Variants in DNAH5 observed in about 807,000 individuals in gnomAD.
DNAH5 encodes dynein axonemal heavy chain 5, also known as axonemal beta dynein heavy chain 5.
Under a neutral mutation model 518.2 loss-of-function variants are expected in DNAH5, and 372 were observed. That is an observed-to-expected ratio of 0.72 (90% CI 0.66 to 0.78). The LOEUF (loss-of-function observed/expected upper bound fraction) is 0.78, where lower values mean the gene tolerates loss of function less well. Among genes scored for constraint, DNAH5 ranks in the 30% least tolerant of loss-of-function variants. The pLI is 0.00. For synonymous variants in DNAH5, 2,039 were observed against 2,025.9 expected (o/e 1.01, Z -0.17); for missense variants, 5,523 against 5,687.0 (o/e 0.97, Z 0.93).
intron 78 of DNAH5, among the ~76,000 whole-genome samples, chr5:13,692,578 T>C (rs1401695174): frequency 6.6e-6 from 1 of 152,170 alleles, no homozygotes; most frequent in African/African-American, 2.4e-5. Context: ...ATAGTCTACA[T>C]CACATTTTAA....
intron 47 of DNAH5, among the ~76,000 whole-genome samples, chr5:13,796,128 GA>G (rs1429352739): frequency 6.6e-6 from 1 of 152,136 alleles, no homozygotes; most frequent in African/African-American, 2.4e-5. Context: ...CATTCCCTTT[GA>G]AAACTGGCAC....
chr5:13,818,188 A>T (rs1410147716), intron 41 of DNAH5, among the ~76,000 whole-genome samples: 5 of 152,270 alleles, frequency 3.3e-5, no homozygotes, highest in African/African-American at 1.2e-4. Context: ...AAATGTATTC[A>T]AGAAATGTAT....
Position 13,859,624 on chromosome 5 carries a change from T to G in DNAH5, c.4797-19A>C. ...ATTGTACCTAAAATAAGAAATAGGT[T>G]TAGGGTTTGGTTTTGTTTTTGTTGT... On this transcript the variant is annotated intron_variant, in intron 29 of 78. Coordinates refer to ENST00000265104, the MANE Select transcript of DNAH5 (RefSeq NM_001369.3). 1 of 1,613,256 alleles carries G rather than the reference T, an allele frequency of 6.2e-7. No homozygotes were observed. The highest frequency in any genetic ancestry group is 1.3e-5 in the African/African-American group (1 of 75,022).
intron 33 of DNAH5, 28 bp from the exon 34 acceptor site, chr5:13,841,158 A>G: frequency 6.5e-7 from 1 of 1,527,200 alleles, no homozygotes; most frequent in South Asian, 1.1e-5. Flanking sequence ...GGCTTCATGA[A>G]TTTGTATGGC....
chr5:13,985,430 A>AATATATAT (rs145568740), intron 1 of DNAH5, among the ~76,000 whole-genome samples: 2,349 of 126,802 alleles, frequency 0.019, 31 homozygotes, highest in Middle Eastern at 0.041. Context: ...AGTATAATAA[A>AATATATAT]ATATATATAT....
chr5:13,728,234 T>C (rs552188947), intron 69 of DNAH5, among the ~76,000 whole-genome samples: 1 of 152,276 alleles, frequency 6.6e-6, no homozygotes, highest in Admixed American at 6.5e-5. Flanking sequence ...AAGGACATAG[T>C]ACATTATCCT....
chr5:14,011,673 GGCGCTCCGCTGGGACTCGTA>G (rs1785142912), exon 1 of DNAH5, among the ~76,000 whole-genome samples: 1 of 152,098 alleles, frequency 6.6e-6, no homozygotes, highest in Non-Finnish European at 1.5e-5. Flanking sequence ...GCTGTGCTGC[GGCGCTCCGCTGGGACTCGTA>G]GCGCTCCCCC....
chr5:13,951,772 C>A (rs998701294), intron 1 of DNAH5, among the ~76,000 whole-genome samples: 2 of 152,062 alleles, frequency 1.3e-5, no homozygotes, highest in Admixed American at 6.6e-5. Flanking sequence ...CTCCAGTTTC[C>A]CTGAGGGATC....
rs1014972442 is a variant in DNAH5 at position 13,807,713 on chromosome 5, T to TTAA, written c.7762_7764dup (p.Leu2588dup). 6.2e-7 allele frequency: 1 copy of TTAA among 1,606,664 alleles called. No homozygotes were observed. The highest frequency in any genetic ancestry group is 1.3e-5 in the African/African-American group (1 of 74,760). ...GTTTTGGCTGTTCCTTGTTCACCAA[T>TTAA]TAATAGCACAGCCTAAAATAGAGGG... On this transcript the variant is annotated inframe_insertion, in exon 47 of 79. Transcript: ENST00000265104.
chr5:13,984,251 G>C (rs1782876355), intron 1 of DNAH5, among the ~76,000 whole-genome samples: 1 of 152,218 alleles, frequency 6.6e-6, no homozygotes, highest in Non-Finnish European at 1.5e-5. Context: ...CACATCCCTT[G>C]TAAGTTGGAC....
At chr5:13,801,382 C>T (rs1254310738) in intron 47 of DNAH5, among the ~76,000 whole-genome samples, 1 of 152,170 alleles carries the variant, frequency 6.6e-6, no homozygotes, top group Non-Finnish European at 1.5e-5. Context: ...CCCGTATAGT[C>T]TGTGGAATCA....
At chr5:13,846,257 AG>A (rs1765993032) in intron 31 of DNAH5, among the ~76,000 whole-genome samples, 1 of 152,090 alleles carries the variant, frequency 6.6e-6, no homozygotes, top group Non-Finnish European at 1.5e-5. Flanking sequence ...AGTACCTGAT[AG>A]GTAGTTTTCC....
At chr5:13,833,148 G>A (rs1254370058) in intron 35 of DNAH5, among the ~76,000 whole-genome samples, 1 of 75,202 alleles carries the variant, frequency 1.3e-5, no homozygotes, top group Non-Finnish European at 2.7e-5. Context: ...AAAAAAGAAT[G>A]TGTTAACATA....
intron 76 of DNAH5, among the ~76,000 whole-genome samples, chr5:13,701,925 G>A (rs1417732413): frequency 6.6e-6 from 1 of 152,216 alleles, no homozygotes; most frequent in Non-Finnish European, 1.5e-5. Context: ...CCATGGATAA[G>A]TTGTAGAAGA....
chr5:13,739,521 G>C (rs1276079425), intron 65 of DNAH5, among the ~76,000 whole-genome samples: 1 of 151,996 alleles, frequency 6.6e-6, no homozygotes, highest in South Asian at 2.1e-4. Flanking sequence ...CCCAGTCTCG[G>C]GTATTTCTTC....
chr5:13,959,150 T>TTGGTC (rs1310742594), intron 1 of DNAH5, among the ~76,000 whole-genome samples: 3 of 152,230 alleles, frequency 2.0e-5, no homozygotes, highest in African/African-American at 7.2e-5. Flanking sequence ...TTTCACCATG[T>TTGGTC]TGGTCAGGCT....
At chr5:13,953,693 C>G (rs10073582) in intron 1 of DNAH5, among the ~76,000 whole-genome samples, 3,255 of 152,108 alleles carry the variant, frequency 0.021, 110 homozygotes, top group African/African-American at 0.075. Flanking sequence ...ATGTGGGATG[C>G]TTCTTGTTTT....
At chr5:13,805,220 C>G (rs1436147835) in intron 47 of DNAH5, among the ~76,000 whole-genome samples, 1 of 152,188 alleles carries the variant, frequency 6.6e-6, no homozygotes, top group African/African-American at 2.4e-5. Context: ...AAGATCTTGG[C>G]TGGGCACAGT....
intron 65 of DNAH5, among the ~76,000 whole-genome samples, chr5:13,749,791 G>A (rs576266401): frequency 6.6e-6 from 1 of 152,222 alleles, no homozygotes; most frequent in Non-Finnish European, 1.5e-5. Flanking sequence ...AAGAATCCCA[G>A]TCCCGCCTGA....
Sources: allele counts gnomAD v4.1 joint callset (sites outside exome capture counted in the v4.1 genomes callset), GRCh38; gene constraint gnomAD v4.1.1; transcripts MANE v1.5; gene names NCBI Gene and HGNC (gene_info 2026-07-23, HGNC 2026-07-21).